MXI1: variants seen among roughly 807,000 people sequenced by gnomAD.
The protein encoded by MXI1 is MAX interactor 1, dimerization protein.
In MXI1, 18 loss-of-function variants were observed where a neutral mutation model predicts 36.9. The observed-to-expected ratio is 0.49, with a 90% confidence interval of 0.34 to 0.72. The LOEUF is 0.72. Among genes scored for constraint, MXI1 ranks in the 30% least tolerant of loss-of-function variants. The probability of loss-of-function intolerance (pLI) is 0.01; values close to 1 mark genes in which losing one functional copy is unlikely to be tolerated. For synonymous variants in MXI1, 160 were observed against 146.7 expected (o/e 1.09, Z -0.65); for missense variants, 304 against 379.1 (o/e 0.80, Z 1.64).
chr10:110,227,688 G>A (rs1416707743), intron 1 of MXI1: 7 of 384,852 alleles, frequency 1.8e-5, no homozygotes, highest in Non-Finnish European at 2.5e-5. Flanking sequence ...TCCCTTTAGC[G>A]GTGGCAGCCC....
rs570779361 is a variant in MXI1 at position 110,211,476 on chromosome 10, G to A, written c.274+3394G>A. ...GTGTCGGGCCCCGATTCTCCATTTC[G>A]GGTTCGGTGAGACCTTTCTGAGATG... is the stretch of plus-strand genomic sequence containing the variant. On this transcript the variant is annotated intron_variant, in intron 1 of 5. Coordinates refer to ENST00000332674, the MANE Select transcript of MXI1 (RefSeq NM_130439.3). Among the ~76,000 whole-genome samples, 5 of 152,334 alleles carry A rather than the reference G, an allele frequency of 3.3e-5. No homozygotes were observed. In the East Asian group the frequency reaches 9.6e-4, roughly 29 times the overall value.
At chr10:110,247,900 G>A (rs1248733154) in intron 3 of MXI1, among the ~76,000 whole-genome samples, 1 of 152,172 alleles carries the variant, frequency 6.6e-6, no homozygotes, top group Non-Finnish European at 1.5e-5. Context: ...GCACACGTAT[G>A]TTTATTGTGG....
chr10:110,257,852 G>A (rs1856371843), intron 3 of MXI1: 1 of 328,138 alleles, frequency 3.0e-6, no homozygotes, highest in South Asian at 3.1e-5. Flanking sequence ...CATAATAGGT[G>A]TTTAAAAAAC....
At chr10:110,249,326 G>A (rs763478189) in intron 3 of MXI1, among the ~76,000 whole-genome samples, 6 of 145,698 alleles carry the variant, frequency 4.1e-5, no homozygotes, top group African/African-American at 1.4e-4. Flanking sequence ...CCTTTTTAGC[G>A]TGGTTCTGAA....
chr10:110,232,585 C>T (rs563358527), intron 2 of MXI1, among the ~76,000 whole-genome samples: 1 of 152,280 alleles, frequency 6.6e-6, no homozygotes, highest in South Asian at 2.1e-4. Context: ...CCCTGCGAGG[C>T]GGGCAGGGAT....
intron 1 of MXI1, 70 bp from the exon 2 acceptor site, chr10:110,228,119 C>T: frequency 2.6e-6 from 4 of 1,563,488 alleles, no homozygotes; most frequent in African/African-American, 1.4e-5. Flanking sequence ...GCAAAGACCT[C>T]GGATTTGTGG....
intron 2 of MXI1, among the ~76,000 whole-genome samples, chr10:110,230,414 T>C (rs958472381): frequency 6.6e-6 from 1 of 152,190 alleles, no homozygotes; most frequent in Admixed American, 6.5e-5. Flanking sequence ...GTTCTGATAG[T>C]GCCCAAAGGA....
chr10:110,226,010 C>T, intron 1 of MXI1: 2 of 982,560 alleles, frequency 2.0e-6, no homozygotes, highest in Non-Finnish European at 2.4e-6. Flanking sequence ...AAACCACGCG[C>T]GGGCTGCCCG....
chr10:110,283,477 G>T (rs1167895170), intron 5 of MXI1, among the ~76,000 whole-genome samples: 2 of 151,920 alleles, frequency 1.3e-5, no homozygotes, highest in South Asian at 4.2e-4. Flanking sequence ...TATTGGTCAG[G>T]CTGGTCTTGA....
intron 1 of MXI1, among the ~76,000 whole-genome samples, chr10:110,209,152 C>T (rs758769997): frequency 1.3e-5 from 2 of 152,306 alleles, no homozygotes; most frequent in South Asian, 4.1e-4. Context: ...CGACTCAGCG[C>T]CCTAACGGGG....
intron 1 of MXI1, among the ~76,000 whole-genome samples, chr10:110,214,733 C>T (rs11195029): frequency 1.3e-5 from 2 of 150,134 alleles, no homozygotes; most frequent in African/African-American, 4.9e-5. Flanking sequence ...CTGGCTTGGT[C>T]TTCACTTAGA....
intron 1 of MXI1, 59 bp downstream of exon 1, chr10:110,208,141 G>C (rs1418720453): frequency 6.5e-7 from 1 of 1,538,412 alleles, no homozygotes; most frequent in Non-Finnish European, 8.8e-7. Context: ...TCGCCCACTT[G>C]GGCGACCCCT....
intron 2 of MXI1, among the ~76,000 whole-genome samples, chr10:110,234,351 G>T (rs1270645431): frequency 6.6e-6 from 1 of 152,106 alleles, no homozygotes. Flanking sequence ...CCCATTTTTA[G>T]TGTGATTGTA....
intron 5 of MXI1, among the ~76,000 whole-genome samples, chr10:110,281,337 A>T (rs539210345): frequency 3.9e-5 from 6 of 152,168 alleles, no homozygotes; most frequent in African/African-American, 1.4e-4. Context: ...TGCTATTATA[A>T]TACCCCACAA....
intron 3 of MXI1, among the ~76,000 whole-genome samples, chr10:110,247,288 C>T (rs1019888735): frequency 5.3e-5 from 8 of 152,118 alleles, no homozygotes; most frequent in South Asian, 4.2e-4. Flanking sequence ...GGATATTAGC[C>T]GTTTGTCAGA....
At chr10:110,278,443 G>A (rs1249472304) in intron 3 of MXI1, among the ~76,000 whole-genome samples, 5 of 152,148 alleles carry the variant, frequency 3.3e-5, no homozygotes, top group East Asian at 1.9e-4. Context: ...TTAAGCTAAC[G>A]AGCTAGCACA....
intron 1 of MXI1, among the ~76,000 whole-genome samples, chr10:110,210,620 G>A (rs1361545279): frequency 6.6e-6 from 1 of 152,138 alleles, no homozygotes. Context: ...AGCGGTCCAC[G>A]GGGGCCACTT....
intron 1 of MXI1, among the ~76,000 whole-genome samples, chr10:110,219,558 T>C (rs903610786): frequency 2.0e-5 from 3 of 152,234 alleles, no homozygotes; most frequent in African/African-American, 7.2e-5. Context: ...AGGTGATTTG[T>C]GTGCTCCTTA....
chr10:110,210,077 C>T (rs1334792798), intron 1 of MXI1, among the ~76,000 whole-genome samples: 1 of 141,630 alleles, frequency 7.1e-6, no homozygotes, highest in Non-Finnish European at 1.5e-5. Flanking sequence ...GCCGCCACCT[C>T]GTTGTTTACC....
Sources: gnomAD v4.1 joint callset for allele counts (sites outside exome capture counted in the v4.1 genomes callset) on GRCh38, gnomAD v4.1.1 for gene constraint, MANE v1.5 for transcripts, NCBI Gene and HGNC (gene_info 2026-07-23, HGNC 2026-07-21) for gene names.